HECTD4: variants seen among roughly 807,000 people sequenced by gnomAD.
The protein encoded by HECTD4 is HECT domain E3 ubiquitin protein ligase 4.
A neutral mutation model predicts 471.5 loss-of-function variants in HECTD4; 114 were observed. The ratio of observed to expected loss-of-function variants is 0.24; its 90% CI spans 0.21 to 0.28. HECTD4 has a LOEUF of 0.28. Among genes scored for constraint, HECTD4 ranks in the 10% least tolerant of loss-of-function variants. The pLI is 1.00. For missense variants in HECTD4, 3,866 were observed against 5,651.5 expected, an observed-to-expected ratio of 0.68 and a Z score of 10.13; for synonymous variants, 2,012 against 2,256.0, an observed-to-expected ratio of 0.89 and a Z score of 3.07.
In HECTD4 at chr12:112,254,311, T is replaced by A. The variant is rs1006590866; in HGVS notation, c.3328-149A>T. The A allele has an allele frequency of 3.0e-5, 27 of 887,424 alleles. No individual in the cohort carries two copies. The African/African-American group carries it at 3.7e-4, about 12-fold the overall frequency. The allele number at this position is 887,424 out of a possible 1,614,324, so 55.0% of individuals were successfully genotyped here. On this transcript the variant is annotated intron_variant, in intron 21 of 75. Transcript: ENST00000682272. ...TATAACTAATATTTCCCGATTTTTTTAGGTATAACTGATACTAGTTTGGAT... is the reference window on the plus strand; with the variant it reads ...TATAACTAATATTTCCCGATTTTTTAAGGTATAACTGATACTAGTTTGGAT...
chr12:112,299,586 G>A (rs933267530), intron 7 of HECTD4, among the ~76,000 whole-genome samples: 1 of 152,136 alleles, frequency 6.6e-6, no homozygotes, highest in Non-Finnish European at 1.5e-5. Flanking sequence ...TCTAGCCACT[G>A]CACTCCAGGC....
rs1463193424 is a variant in HECTD4 at position 112,193,620 on chromosome 12, A to C, written c.8804T>G (p.Ile2935Ser). 5 of 1,613,192 alleles carry C rather than the reference A, an allele frequency of 3.1e-6. No individual in the cohort carries two copies. The highest frequency in any genetic ancestry group is 1.3e-5 in the African/African-American group (1 of 74,932). Residue 2935 changes from isoleucine to serine, a missense_variant, in exon 57 of 76, where the codon ATC (isoleucine) becomes AGC (serine). Ile to Ser is a moderately radical substitution (Grantham distance 142). Coordinates refer to ENST00000682272, the MANE Select transcript of HECTD4 (RefSeq NM_001388303.1). The surrounding 1 kb of genome is among the most constrained non-coding windows in gnomAD (Gnocchi z 5.2). The stretch of plus-strand genomic sequence containing the variant: ...CGTGGCGGAGCAGTTCTGGGAATGG[A>C]TGCAATGCTGTAAAGACTGCGCCAG... ...ILLAQSLQHC[I>S]HSQNCSATDL... is the part of the protein sequence containing the mutation.
At chr12:112,169,833 C>T in intron 69 of HECTD4, 175 bp from the exon 70 acceptor site, 1 of 724,382 alleles carries the variant, frequency 1.4e-6, no homozygotes, top group Non-Finnish European at 2.3e-6. Context: ...TGTGCCTTAG[C>T]ACTCATGGCT....
intron 70 of HECTD4, 122 bp from the exon 71 acceptor site, chr12:112,168,039 G>T: frequency 1.2e-6 from 1 of 804,900 alleles, no homozygotes; most frequent in Non-Finnish European, 2.1e-6. Flanking sequence ...CCGCTGTGGC[G>T]GGGTAGAAAG....
At chr12:112,323,659 G>A (rs571765946) in intron 1 of HECTD4, among the ~76,000 whole-genome samples, 17 of 151,982 alleles carry the variant, frequency 1.1e-4, no homozygotes, top group Non-Finnish European at 2.4e-4. Flanking sequence ...GGGGTAAGGG[G>A]AGGTAGGGTC....
At chr12:112,198,284 T>C (rs1301412728) in intron 55 of HECTD4, among the ~76,000 whole-genome samples, 1 of 152,170 alleles carries the variant, frequency 6.6e-6, no homozygotes, top group African/African-American at 2.4e-5. Context: ...GAGGTGAGTA[T>C]TCACTGAGAT....
At position 112,175,649 on chromosome 12, in the gene HECTD4, G is replaced by A. The variant is rs922183229; in HGVS notation, c.11594+87C>T. On this transcript the variant is annotated intron_variant, in intron 66 of 75. Coordinates refer to ENST00000682272, the MANE Select transcript of HECTD4 (RefSeq NM_001388303.1). ...CTCAGAAAGCATTATCAACAGGGGA[G>A]ACGGATCAGCTCCTCAGAAATTATG... 7 of 1,449,284 alleles carry A rather than the reference G, an allele frequency of 4.8e-6. No individual in the cohort carries two copies. The African/African-American group carries it at 8.4e-5, about 17-fold the overall frequency. 89.8% of individuals were successfully genotyped at this position (1,449,284 alleles called of 1,614,324 possible).
intron 50 of HECTD4, 121 bp downstream of exon 50, chr12:112,209,894 G>T: frequency 1.3e-6 from 1 of 779,002 alleles, no homozygotes; most frequent in Non-Finnish European, 2.1e-6. Flanking sequence ...TTACCAATGG[G>T]CACGTGAGTT....
intron 17 of HECTD4, among the ~76,000 whole-genome samples, chr12:112,263,489 C>A (rs2034194147): frequency 6.6e-6 from 1 of 152,060 alleles, no homozygotes. Flanking sequence ...ATAAAAAAAT[C>A]TTTGGACTGC....
At chr12:112,224,380 C>T (rs1055458297) in intron 44 of HECTD4, among the ~76,000 whole-genome samples, 2 of 151,850 alleles carry the variant, frequency 1.3e-5, no homozygotes, top group African/African-American at 2.4e-5. Context: ...CATTCTCCTG[C>T]CTCAGCCTCC....
At position 112,179,932 on chromosome 12, in the gene HECTD4, AAG is replaced by A. The variant is rs758503640; in HGVS notation, c.10988-537_10988-536del. Among the ~76,000 whole-genome samples, 10 of 152,242 alleles carry A rather than the reference AAG, an allele frequency of 6.6e-5. No homozygotes were observed. Among genetic ancestry groups the A allele is most frequent in the Non-Finnish European group, 1.3e-4 (9 of 68,036 alleles). ...AAACTGGCGCAATGAGCAGGTGAAAAAGAGTTTTCTGAGATACAAAAAAACTG... is the reference window on the plus strand; with the variant it reads ...AAACTGGCGCAATGAGCAGGTGAAAAAGTTTTCTGAGATACAAAAAAACTG... On this transcript the variant is annotated intron_variant, in intron 62 of 75. Transcript: ENST00000682272. The surrounding 1 kb of genome is among the most constrained non-coding windows in gnomAD (Gnocchi z 4.3).
chr12:112,203,559 A>C, intron 54 of HECTD4, 77 bp downstream of exon 54: 2 of 1,205,016 alleles, frequency 1.7e-6, no homozygotes, highest in Non-Finnish European at 2.3e-6. Context: ...ATCACTTTTT[A>C]AGGTACCTGG....
At chr12:112,320,180 C>CA (rs2035555570) in intron 1 of HECTD4, among the ~76,000 whole-genome samples, 1 of 151,378 alleles carries the variant, frequency 6.6e-6, no homozygotes, top group African/African-American at 2.4e-5. Flanking sequence ...ACCAAAAATA[C>CA]AAAAAATAGC....
In HECTD4 at chr12:112,193,319, A is replaced by C; in HGVS notation, c.8956-128T>G. 7.3e-7 allele frequency: 1 copy of C among 1,362,752 alleles called. No homozygotes were observed. Among genetic ancestry groups the C allele is most frequent in the Non-Finnish European group, 1.0e-6 (1 of 990,456 alleles). The allele number at this position is 1,362,752 out of a possible 1,614,324, so 84.4% of individuals were successfully genotyped here. ...AGCCCTCTGGAAGGAAGCAAGCTAC[A>C]GATGAGATAAAGCAGAAAAGCTTCT... is the stretch of plus-strand genomic sequence containing the variant. On this transcript the variant is annotated intron_variant, in intron 57 of 75. Coordinates refer to ENST00000682272, the MANE Select transcript of HECTD4 (RefSeq NM_001388303.1). The surrounding 1 kb of genome is among the most constrained non-coding windows in gnomAD (Gnocchi z 5.2).
chr12:112,169,017 G>A (rs941268196), intron 70 of HECTD4, among the ~76,000 whole-genome samples: 5 of 152,198 alleles, frequency 3.3e-5, no homozygotes, highest in Non-Finnish European at 7.3e-5. Flanking sequence ...CAGTGTGCCC[G>A]GCTGTGGAGA....
At position 112,184,616 on chromosome 12, in the gene HECTD4, G is replaced by A. The variant is rs988567243; in HGVS notation, c.10350C>T (p.Gly3450=). 4 of 1,613,756 alleles carry A rather than the reference G, an allele frequency of 2.5e-6. No individual in the cohort carries two copies. Among genetic ancestry groups the A allele is most frequent in the East Asian group, 2.2e-5 (1 of 44,890 alleles). The part of the protein sequence containing the change: ...DTKKPKDKAE[G]GDGKVEPEKT... ...TCTCGGGCTCAACTTTCCCGTCCCC[G>A]CCCTCGGCCTTGTCTTTTGGCTTCT... The change falls in exon 61 of 76, where the codon GGC becomes GGT. Residue 3450 remains glycine, a synonymous_variant. Coordinates refer to ENST00000682272, the MANE Select transcript of HECTD4 (RefSeq NM_001388303.1). This position sits in a 1 kb window ranked among gnomAD's most constrained non-coding sequence, Gnocchi z 9.1.
In HECTD4 at chr12:112,265,251, C is replaced by T. The variant is rs781357903; in HGVS notation, c.2543G>A (p.Arg848Gln). ...CTTGGTGATTAAGATACAGGATTCT[C>T]GTACAACAATCTTCAGAATGTAGTG... ...LLHYILKIVV[R>Q]ESCILITKCQ... The change falls in exon 16 of 76, where the codon CGA becomes CAA. Residue 848 changes from arginine (R) to glutamine (Q), a missense_variant. Around this residue, in one of 16 missense-constraint regions of HECTD4, gnomAD observed 525 missense variants for 672.6 expected, o/e 0.78. Transcript: ENST00000682272. 4.4e-6 allele frequency: 7 copies of T among 1,589,796 alleles called. No individual in the cohort carries two copies. Among genetic ancestry groups the T allele is most frequent in the African/African-American group, 2.7e-5 (2 of 74,346 alleles).
chr12:112,346,178 G>A (rs1454316354), intron 1 of HECTD4, among the ~76,000 whole-genome samples: 1 of 152,190 alleles, frequency 6.6e-6, no homozygotes, highest in African/African-American at 2.4e-5. Context: ...TGTAATTGGT[G>A]TACTAGAATT....
Position 112,235,547 on chromosome 12 carries a change from G to A in HECTD4, c.5682C>T (p.Ile1894=), listed in dbSNP as rs770979331. ...CCAGCTTTGCTAAGAGCAGGGAGGC[G>A]ATCTTGGAAGCTGGGTCGCTGGGAT... is the stretch of plus-strand genomic sequence containing the variant. ...QEDPSDPASK[I]ASLLLAKLAD... is the part of the protein sequence containing the mutation. Residue 1894 remains isoleucine (I), a synonymous_variant, in exon 36 of 76, where the codon ATC becomes ATT. Transcript: ENST00000682272. The surrounding 1 kb of genome is among the most constrained non-coding windows in gnomAD (Gnocchi z 5.0). 2.5e-6 allele frequency: 4 copies of A among 1,613,648 alleles called. No individual in the cohort carries two copies. Among genetic ancestry groups the A allele is most frequent in the Admixed American group, 1.7e-5 (1 of 59,978 alleles).
Sources: gnomAD v4.1 joint callset for allele counts (sites outside exome capture counted in the v4.1 genomes callset) on GRCh38, gnomAD v4.1.1 for gene constraint, gnomAD v4.1.1 regional missense constraint, Gnocchi (gnomAD v3.1) non-coding constraint, MANE v1.5 for transcripts, NCBI Gene and HGNC (gene_info 2026-07-23, HGNC 2026-07-21) for gene names.